The following CPS1 variants were observed in gnomAD, a reference collection of about 807,000 sequenced individuals.
CPS1 encodes carbamoyl-phosphate synthase [ammonia], mitochondrial.
CPS1 carries 109 observed loss-of-function variants against 174.6 expected under a neutral mutation model. The observed-to-expected ratio is 0.62, with a 90% CI of 0.53 to 0.73. The LOEUF (loss-of-function observed/expected upper bound fraction) is 0.73. Ranked by LOEUF, CPS1 falls within the 30% of genes least tolerant of loss-of-function variation. The pLI is 0.00. For missense variants in CPS1, 1,689 were observed against 1,821.9 expected, an observed-to-expected ratio of 0.93 and a Z score of 1.33; for synonymous variants, 637 against 632.0, an observed-to-expected ratio of 1.01 and a Z score of -0.12.
At chr2:210,636,335 A>T (rs1434675220) in intron 21 of CPS1, among the ~76,000 whole-genome samples, 4 of 151,616 alleles carry the variant, frequency 2.6e-5, no homozygotes, top group Non-Finnish European at 5.9e-5. Flanking sequence ...AAACCTAGGG[A>T]ATTGAAGTTT....
intron 18 of CPS1, among the ~76,000 whole-genome samples, chr2:210,607,302 G>A (rs1698947786): frequency 6.6e-6 from 1 of 151,878 alleles, no homozygotes; most frequent in Non-Finnish European, 1.5e-5. Context: ...TAGCCCTATA[G>A]CAAATAGTTG....
At chr2:210,533,565 G>T (rs761685415) in intron 1 of CPS1, among the ~76,000 whole-genome samples, 1 of 152,080 alleles carries the variant, frequency 6.6e-6, no homozygotes, top group Admixed American at 6.5e-5. Flanking sequence ...TGTGTTCTCC[G>T]GTACAAGCTT....
intron 16 of CPS1, among the ~76,000 whole-genome samples, chr2:210,602,531 C>CCA (rs1212480281): frequency 1.3e-5 from 2 of 151,944 alleles, no homozygotes; most frequent in Non-Finnish European, 2.9e-5. Flanking sequence ...CAATGATAAA[C>CCA]CACATGGTTC....
At chr2:210,615,202 A>C (rs928291114) in intron 20 of CPS1, among the ~76,000 whole-genome samples, 1 of 151,958 alleles carries the variant, frequency 6.6e-6, no homozygotes, top group African/African-American at 2.4e-5. Context: ...CTCACAGTGT[A>C]GATGGCCGAC....
Position 210,590,204 on chromosome 2 carries a change from T to C in CPS1, c.810T>C (p.Leu270=). 1 of 1,612,904 alleles carries C rather than the reference T, an allele frequency of 6.2e-7. No individual in the cohort carries two copies. Among genetic ancestry groups the C allele is most frequent in the Non-Finnish European group, 8.5e-7 (1 of 1,179,182 alleles). ...CGGGAGGACCGGGGAACCCAGCTCTTGCAGAACCACTAATTCAGAATGTCA... is the reference window on the plus strand; with the variant it reads ...CGGGAGGACCGGGGAACCCAGCTCTCGCAGAACCACTAATTCAGAATGTCA... ...LIAGGPGNPA[L]AEPLIQNVRK... The change falls in exon 8 of 38, where the codon CTT becomes CTC. Residue 270 remains leucine (L), a synonymous_variant. Transcript: ENST00000233072.
chr2:210,675,450 G>T (rs1341279884), intron 35 of CPS1, among the ~76,000 whole-genome samples: 1 of 152,108 alleles, frequency 6.6e-6, no homozygotes, highest in East Asian at 1.9e-4. Flanking sequence ...AAATTTATGA[G>T]AAATTGTCAT....
chr2:210,641,536 T>C (rs76847817), intron 24 of CPS1, among the ~76,000 whole-genome samples: 1,607 of 152,312 alleles, frequency 0.011, 23 homozygotes, highest in African/African-American at 0.037. Context: ...CTAAGTGTTC[T>C]AACACATGGA....
chr2:210,558,533 C>T (rs974290427), intron 1 of CPS1, among the ~76,000 whole-genome samples: 4 of 151,932 alleles, frequency 2.6e-5, no homozygotes, highest in Non-Finnish European at 5.9e-5. Flanking sequence ...TGAAAGTTAT[C>T]CCCTATGATT....
At chr2:210,486,578 G>A (rs983045828) in intron 1 of CPS1, among the ~76,000 whole-genome samples, 4 of 152,076 alleles carry the variant, frequency 2.6e-5, no homozygotes, top group Non-Finnish European at 2.9e-5. Context: ...TGGTGCGATC[G>A]CGGCTTACCG....
intron 21 of CPS1, among the ~76,000 whole-genome samples, chr2:210,634,260 C>G (rs1246316952): frequency 6.6e-6 from 1 of 152,176 alleles, no homozygotes; most frequent in Non-Finnish European, 1.5e-5. Context: ...GAAACTCCGT[C>G]TCTACTAAAA....
At position 210,668,234 on chromosome 2, in the gene CPS1, C is replaced by T. The variant is rs770552464; in HGVS notation, c.4051C>T (p.Leu1351Phe). 42 of 1,613,902 alleles carry T rather than the reference C, an allele frequency of 2.6e-5. No individual in the cohort carries two copies. In the Admixed American group the frequency reaches 6.8e-4, roughly 26 times the overall value. ...GIHTAFLKAM[L>F]STGFKIPQKG... is the part of the protein sequence containing the mutation. ...TCATACAGCCTTCCTAAAGGCAATGCTTTCCACAGGATTTAAGATACCCCA... is the reference window on the plus strand; with the variant it reads ...TCATACAGCCTTCCTAAAGGCAATGTTTTCCACAGGATTTAAGATACCCCA... The change falls in exon 34 of 38, where the codon CTT becomes TTT. Residue 1351 changes from leucine to phenylalanine, a missense_variant. Transcript: ENST00000233072.
Position 210,660,555 on chromosome 2 carries a change from T to C in CPS1, c.3827T>C (p.Ile1276Thr), listed in dbSNP as rs776455037. Residue 1276 changes from isoleucine to threonine, a missense_variant, in exon 32 of 38, where the codon ATT (isoleucine) becomes ACT (threonine). Transcript: ENST00000233072. ...FVSKTLGVDF[I>T]DVATKVMIGE... ...TCCAAGACTCTTGGGGTTGACTTCA[T>C]TGATGTGGCCACCAAGGTGATGATT... 1 of 1,614,192 alleles carries C rather than the reference T, an allele frequency of 6.2e-7. No individual in the cohort carries two copies. Among genetic ancestry groups the C allele is most frequent in the Non-Finnish European group, 8.5e-7 (1 of 1,180,002 alleles).
chr2:210,670,830 A>G (rs114551500), intron 34 of CPS1, among the ~76,000 whole-genome samples: 4,037 of 152,258 alleles, frequency 0.027, 88 homozygotes, highest in Admixed American at 0.045. Flanking sequence ...TAAATCCAAT[A>G]GGTCAAAGTA....
chr2:210,539,179 C>G (rs76237601), intron 1 of CPS1, among the ~76,000 whole-genome samples: 1,856 of 152,254 alleles, frequency 0.012, 31 homozygotes, highest in African/African-American at 0.039. Flanking sequence ...GAATCTGCCT[C>G]ATAGTACTGC....
intron 1 of CPS1, chr2:210,477,889 C>A: frequency 9.2e-7 from 1 of 1,083,168 alleles, no homozygotes; most frequent in Non-Finnish European, 1.4e-6. Context: ...TGATTAAAGG[C>A]TATCCATTTA....
chr2:210,550,408 G>C (rs868680689), intron 1 of CPS1, among the ~76,000 whole-genome samples: 1 of 151,944 alleles, frequency 6.6e-6, no homozygotes, highest in African/African-American at 2.4e-5. Flanking sequence ...CATTGCCTAA[G>C]ACTTGATTTC....
At chr2:210,636,115 C>T (rs1369594597) in intron 21 of CPS1, among the ~76,000 whole-genome samples, 5 of 152,164 alleles carry the variant, frequency 3.3e-5, no homozygotes, top group Admixed American at 2.0e-4. Context: ...ATTTTAATTT[C>T]ATTGTATTGA....
At chr2:210,529,749 T>C (rs1696070552) in intron 1 of CPS1, among the ~76,000 whole-genome samples, 1 of 151,972 alleles carries the variant, frequency 6.6e-6, no homozygotes. Flanking sequence ...AGTGACCTTA[T>C]TGTGGAGATG....
chr2:210,525,807 G>C (rs183726665), intron 1 of CPS1, among the ~76,000 whole-genome samples: 603 of 51,644 alleles, frequency 0.012, 5 homozygotes, highest in African/African-American at 0.039. Flanking sequence ...AAGTAAAATG[G>C]AGAGAGAGAG....
Sources: allele counts gnomAD v4.1 joint callset (sites outside exome capture counted in the v4.1 genomes callset), GRCh38; gene constraint gnomAD v4.1.1; transcripts MANE v1.5; gene names NCBI Gene and HGNC (gene_info 2026-07-23, HGNC 2026-07-21).